Variants in CTNND2 observed in about 807,000 individuals in gnomAD.
The protein encoded by CTNND2 is catenin delta 2.
In CTNND2, 22 loss-of-function variants were observed where a neutral mutation model predicts 144.4. The ratio of observed to expected loss-of-function variants is 0.15; its 90% confidence interval spans 0.11 to 0.22. CTNND2 has a LOEUF of 0.22. CTNND2 is among the 10% of genes least tolerant of loss of function. The probability of loss-of-function intolerance (pLI) is 1.00; values close to 1 mark genes in which losing one functional copy is unlikely to be tolerated. For synonymous variants in CTNND2, 751 were observed against 695.6 expected (o/e 1.08, Z -1.25); for missense variants, 1,353 against 1,618.8 (o/e 0.84, Z 2.82).
chr5:11,387,554 C>A (rs1759217228), intron 6 of CTNND2, among the ~76,000 whole-genome samples: 1 of 152,136 alleles, frequency 6.6e-6, no homozygotes. Flanking sequence ...GGGGCCTGAG[C>A]AACACTCAGC....
At chr5:11,164,587 C>T (rs1487339799) in intron 11 of CTNND2, among the ~76,000 whole-genome samples, 3 of 152,124 alleles carry the variant, frequency 2.0e-5, no homozygotes, top group Non-Finnish European at 2.9e-5. Context: ...AGTCACTGTG[C>T]TCCAGCCAAA....
rs79824958 is a variant in CTNND2 at position 11,539,195 on chromosome 5, G to A, written c.287+25749C>T. 2.2e-3 allele frequency among the ~76,000 whole-genome samples: 330 copies of A among 152,198 alleles called. 16 individuals carry two copies. The East Asian group carries it at 0.058, about 27-fold the overall frequency. Reference sequence around the variant, plus strand: ...TGAGATAAGAGATTTTTGAAACATCGTATAAATGCCAAGTCAAGAGCGTTC... The same window carrying A: ...TGAGATAAGAGATTTTTGAAACATCATATAAATGCCAAGTCAAGAGCGTTC... On this transcript the variant is annotated intron_variant, in intron 3 of 21. Transcript: ENST00000304623.
intron 12 of CTNND2, among the ~76,000 whole-genome samples, chr5:11,126,872 G>A (rs972261766): frequency 1.3e-5 from 2 of 152,170 alleles, no homozygotes; most frequent in Admixed American, 1.3e-4. Flanking sequence ...TAAGGACACG[G>A]AACATAATAA....
At chr5:11,795,344 G>A (rs940471835) in intron 1 of CTNND2, among the ~76,000 whole-genome samples, 1 of 152,206 alleles carries the variant, frequency 6.6e-6, no homozygotes, top group Admixed American at 6.5e-5. Context: ...CGCAGGGAAG[G>A]AATAAAAATC....
At chr5:11,165,935 G>A (rs916615578) in intron 11 of CTNND2, among the ~76,000 whole-genome samples, 2 of 152,140 alleles carry the variant, frequency 1.3e-5, no homozygotes, top group Admixed American at 1.3e-4. Context: ...TTAAATGATG[G>A]TAGAATCAAA....
intron 10 of CTNND2, among the ~76,000 whole-genome samples, chr5:11,211,374 A>G (rs1412566629): frequency 1.3e-5 from 2 of 152,208 alleles, no homozygotes; most frequent in African/African-American, 4.8e-5. Context: ...ACCATGTGCC[A>G]TGTGAGGACA....
At chr5:11,767,819 C>A in intron 1 of CTNND2, among the ~76,000 whole-genome samples, 1 of 152,164 alleles carries the variant, frequency 6.6e-6, no homozygotes, top group South Asian at 2.1e-4. Context: ...ACAGAGCCTT[C>A]ATCGCTGTTC....
At chr5:10,977,759 G>GT (rs1320917890) in intron 21 of CTNND2, among the ~76,000 whole-genome samples, 2 of 152,198 alleles carry the variant, frequency 1.3e-5, no homozygotes, top group Non-Finnish European at 2.9e-5. Context: ...AGTCAGTTAA[G>GT]TCTTAAAGTG....
intron 1 of CTNND2, among the ~76,000 whole-genome samples, chr5:11,824,111 A>C (rs1013584520): frequency 2.0e-5 from 3 of 151,808 alleles, no homozygotes; most frequent in African/African-American, 7.3e-5. Context: ...AAAAAAAAAA[A>C]AACCATGGTG....
chr5:11,719,845 C>T (rs1365609029), intron 2 of CTNND2, among the ~76,000 whole-genome samples: 13 of 145,084 alleles, frequency 9.0e-5, no homozygotes, highest in East Asian at 6.0e-4. Flanking sequence ...CACACACACA[C>T]ACACACACAC....
chr5:11,186,659 G>A (rs1453900357), intron 11 of CTNND2, among the ~76,000 whole-genome samples: 1 of 152,202 alleles, frequency 6.6e-6, no homozygotes, highest in African/African-American at 2.4e-5. Context: ...AGAAAGTGGT[G>A]TTTCTCAAAC....
rs1381856101 is a variant in CTNND2, at chr5:11,284,838, T to A, written c.1629-48015A>T. ...ATTAACTTTGGCTTCTAAGCATGTATGTGTTCCAGGCTGGAACTTTGCCTC... is the reference window on the plus strand; with the variant it reads ...ATTAACTTTGGCTTCTAAGCATGTAAGTGTTCCAGGCTGGAACTTTGCCTC... On this transcript the variant is annotated intron_variant, in intron 9 of 21. Coordinates refer to ENST00000304623, the MANE Select transcript of CTNND2 (RefSeq NM_001332.4). Among the ~76,000 whole-genome samples, 12 of 152,340 alleles carry A rather than the reference T, an allele frequency of 7.9e-5. No homozygotes were observed. In the East Asian group the frequency reaches 2.3e-3, roughly 29 times the overall value.
At chr5:11,765,304 A>AAG (rs1231169695) in intron 1 of CTNND2, among the ~76,000 whole-genome samples, 1 of 152,196 alleles carries the variant, frequency 6.6e-6, no homozygotes, top group Non-Finnish European at 1.5e-5. Context: ...GGACGAGCAG[A>AAG]AGCCGCTCAG....
chr5:11,063,133 CATTACTAT>C (rs1747186823), intron 16 of CTNND2, among the ~76,000 whole-genome samples: 1 of 151,880 alleles, frequency 6.6e-6, no homozygotes, highest in South Asian at 2.1e-4. Flanking sequence ...AATCAAGTAG[CATTACTAT>C]AAGGAAAGAC....
At chr5:11,589,203 G>A (rs1329900471) in intron 2 of CTNND2, among the ~76,000 whole-genome samples, 1 of 151,322 alleles carries the variant, frequency 6.6e-6, no homozygotes, top group Non-Finnish European at 1.5e-5. Flanking sequence ...AGCCTGCCTG[G>A]CAAATTCTAG....
intron 1 of CTNND2, among the ~76,000 whole-genome samples, chr5:11,819,006 T>G (rs990015105): frequency 1.3e-5 from 2 of 152,234 alleles, no homozygotes; most frequent in African/African-American, 4.8e-5. Context: ...TTACAGTTTT[T>G]TCTTTCCTCT....
At chr5:11,765,749 G>A (rs1297619817) in intron 1 of CTNND2, among the ~76,000 whole-genome samples, 1 of 152,084 alleles carries the variant, frequency 6.6e-6, no homozygotes, top group African/African-American at 2.4e-5. Context: ...ACCTCCACAG[G>A]CCTTTTGATA....
chr5:11,152,522 C>T (rs1339106235), intron 12 of CTNND2, among the ~76,000 whole-genome samples: 1 of 152,134 alleles, frequency 6.6e-6, no homozygotes, highest in African/African-American at 2.4e-5. Flanking sequence ...ATGAAATGGA[C>T]TCAAGATGCA....
chr5:11,014,298 C>A (rs1344513355), intron 18 of CTNND2, among the ~76,000 whole-genome samples: 1 of 152,182 alleles, frequency 6.6e-6, no homozygotes, highest in African/African-American at 2.4e-5. Flanking sequence ...TTATTTCAGT[C>A]ACTCCATTTC....
Sources: allele counts gnomAD v4.1 joint callset (sites outside exome capture counted in the v4.1 genomes callset), GRCh38; gene constraint gnomAD v4.1.1; transcripts MANE v1.5; gene names NCBI Gene and HGNC (gene_info 2026-07-23, HGNC 2026-07-21).